FABP12: variants seen among roughly 807,000 people sequenced by gnomAD.
FABP12 encodes the protein fatty acid-binding protein 12.
In FABP12, 19 loss-of-function variants were observed where a neutral mutation model predicts 13.7. The observed-to-expected ratio is 1.39, with a 90% CI of 0.97 to 2.04. The LOEUF (loss-of-function observed/expected upper bound fraction) is 2.04, where lower values mean the gene tolerates loss of function less well. Ranked by LOEUF, FABP12 falls within the 30% of genes most tolerant of loss-of-function variation. The probability of loss-of-function intolerance (pLI) is 0.00; values close to 1 mark genes in which losing one functional copy is unlikely to be tolerated. For missense variants in FABP12, 182 were observed against 164.2 expected, an observed-to-expected ratio of 1.11 and a Z score of -0.59; for synonymous variants, 61 against 57.0, an observed-to-expected ratio of 1.07 and a Z score of -0.32.
chr8:81,558,277 A>G (rs1809655210), intron 1 of FABP12, among the ~76,000 whole-genome samples: 1 of 152,146 alleles, frequency 6.6e-6, no homozygotes, highest in Non-Finnish European at 1.5e-5. Flanking sequence ...GTCAGAGGGG[A>G]GTCTCTTCCA....
chr8:81,584,012 C>G (rs1224015102), intron 1 of FABP12, among the ~76,000 whole-genome samples: 1 of 152,146 alleles, frequency 6.6e-6, no homozygotes, highest in East Asian at 1.9e-4. Flanking sequence ...TGGATTTATT[C>G]CAGGGATGCA....
intron 4 of FABP12, 104 bp downstream of exon 4, chr8:81,526,916 G>T: frequency 1.5e-6 from 1 of 650,690 alleles, no homozygotes. Flanking sequence ...TTTAAACTAT[G>T]AGAACAAGGA....
chr8:81,561,682 A>C (rs1030633375), intron 1 of FABP12, among the ~76,000 whole-genome samples: 1 of 152,182 alleles, frequency 6.6e-6, no homozygotes, highest in African/African-American at 2.4e-5. Context: ...GGAACTCAGT[A>C]CTGCCCTGTC....
At chr8:81,538,796 A>G (rs1413818188), upstream of FABP12, among the ~76,000 whole-genome samples, 1 of 152,148 alleles carries the variant, frequency 6.6e-6, no homozygotes, top group Non-Finnish European at 1.5e-5. Flanking sequence ...GAAAAATCTC[A>G]TTTTAAAGAA....
rs372498261 is a variant in FABP12 at position 81,555,584 on chromosome 8, T to C, written c.-184-15841A>G. On this transcript the variant is annotated intron_variant, in intron 1 of 5. Coordinates refer to the FABP12 transcript ENST00000692030. ...ATACTGTCACAAAGGATAGTTGCCA[T>C]CTTTTGATGGTTATTTAAAGTCTTG... is the stretch of plus-strand genomic sequence containing the variant. Among the ~76,000 whole-genome samples, 435 of 152,360 alleles carry C rather than the reference T, an allele frequency of 2.9e-3. 3 individuals carry two copies. The highest frequency in any genetic ancestry group is 9.3e-3 in the South Asian group (45 of 4,834).
At chr8:81,531,630 C>T (rs1300666217) in intron 1 of FABP12, among the ~76,000 whole-genome samples, 7 of 152,128 alleles carry the variant, frequency 4.6e-5, no homozygotes, top group Non-Finnish European at 1.0e-4. Flanking sequence ...TAGGACCTGC[C>T]AGGCACAAAG....
At chr8:81,558,887 C>CAAAAAA (rs35682824) in intron 1 of FABP12, among the ~76,000 whole-genome samples, 1 of 67,518 alleles carries the variant, frequency 1.5e-5, no homozygotes, top group Non-Finnish European at 3.0e-5. Flanking sequence ...AAGGCTCCAT[C>CAAAAAA]AAAAAAAAAA....
intron 1 of FABP12, among the ~76,000 whole-genome samples, chr8:81,567,974 T>A (rs1463596491): frequency 6.6e-6 from 1 of 151,324 alleles, no homozygotes; most frequent in African/African-American, 2.4e-5. Context: ...ACAAAAAAAA[T>A]TAGCCGGGCG....
chr8:81,534,187 G>A (rs1490061366), upstream of FABP12, among the ~76,000 whole-genome samples: 2 of 151,944 alleles, frequency 1.3e-5, no homozygotes, highest in African/African-American at 4.8e-5. Flanking sequence ...CTCCAGCACC[G>A]TGGAGTTTAC....
chr8:81,530,115 A>G (rs1170473376), intron 2 of FABP12, among the ~76,000 whole-genome samples: 1 of 152,178 alleles, frequency 6.6e-6, no homozygotes, highest in Non-Finnish European at 1.5e-5. Context: ...TTTATAACAT[A>G]TATTTACCAT....
chr8:81,565,334 T>C (rs569657655), intron 1 of FABP12, among the ~76,000 whole-genome samples: 2 of 152,156 alleles, frequency 1.3e-5, no homozygotes, highest in African/African-American at 4.8e-5. Context: ...ATAGACCAAA[T>C]GCACCTAATA....
intron 1 of FABP12, among the ~76,000 whole-genome samples, chr8:81,542,240 C>G (rs1284194045): frequency 6.6e-6 from 1 of 152,144 alleles, no homozygotes; most frequent in African/African-American, 2.4e-5. Context: ...AGTTAAACAT[C>G]AGGAGAACTT....
chr8:81,554,406 AG>A (rs1809573585), intron 1 of FABP12, among the ~76,000 whole-genome samples: 1 of 152,216 alleles, frequency 6.6e-6, no homozygotes, highest in Admixed American at 6.5e-5. Flanking sequence ...GATTTTCCTA[AG>A]GATACACAGT....
intron 1 of FABP12, among the ~76,000 whole-genome samples, chr8:81,559,439 C>G (rs908169315): frequency 2.6e-5 from 4 of 152,208 alleles, no homozygotes; most frequent in African/African-American, 7.2e-5. Context: ...ATCTTACGTT[C>G]TTTTCATGTA....
At chr8:81,575,631 A>C (rs887271248) in intron 1 of FABP12, among the ~76,000 whole-genome samples, 1 of 152,074 alleles carries the variant, frequency 6.6e-6, no homozygotes, top group Non-Finnish European at 1.5e-5. Context: ...TAAACTTGGG[A>C]GCTCCAGTGT....
At chr8:81,589,644 T>C (rs185764516) in intron 1 of FABP12, among the ~76,000 whole-genome samples, 22 of 152,352 alleles carry the variant, frequency 1.4e-4, no homozygotes, top group Admixed American at 2.6e-4. Context: ...ATCTTCCTTT[T>C]CTTTAGACAG....
At chr8:81,531,302 A>T in exon 2 of FABP12, 1 of 1,602,092 alleles carries the variant, frequency 6.2e-7, no homozygotes, top group South Asian at 1.1e-5. Flanking sequence ...TGTTCCTTGG[A>T]GCTGGTCAAT....
intron 2 of FABP12, among the ~76,000 whole-genome samples, chr8:81,539,505 T>G (rs1809294575): frequency 6.8e-6 from 1 of 147,288 alleles, no homozygotes; most frequent in Admixed American, 6.9e-5. Flanking sequence ...AATTTTCTTT[T>G]GGAATCTTTG....
At chr8:81,557,119 C>T (rs1262126724) in intron 1 of FABP12, among the ~76,000 whole-genome samples, 2 of 152,194 alleles carry the variant, frequency 1.3e-5, no homozygotes, top group East Asian at 3.9e-4. Flanking sequence ...AGGTGATCCG[C>T]CCACCTCAGC....
Sources: gnomAD v4.1 joint callset for allele counts (sites outside exome capture counted in the v4.1 genomes callset) on GRCh38, gnomAD v4.1.1 for gene constraint, MANE v1.5 for transcripts, NCBI Gene and HGNC (gene_info 2026-07-23, HGNC 2026-07-21) for gene names.